AKAP12: variants seen among roughly 807,000 people sequenced by gnomAD.
The protein encoded by AKAP12 is A-kinase anchor protein 12.
In AKAP12, 32 loss-of-function variants were observed where a neutral mutation model predicts 79.9. That is an observed-to-expected ratio of 0.40 (90% CI 0.30 to 0.54). The LOEUF (loss-of-function observed/expected upper bound fraction) is 0.54. AKAP12 is among the 20% of genes least tolerant of loss of function. The pLI is 0.48. For synonymous variants in AKAP12, 808 were observed against 857.0 expected (o/e 0.94, Z 1.00); for missense variants, 2,074 against 2,177.0 (o/e 0.95, Z 0.94).
In AKAP12 at chr6:151,342,760, A is replaced by G. The variant is rs73780629; in HGVS notation, c.320-5951A>G. Among the ~76,000 whole-genome samples, 786 of 152,312 alleles carry G rather than the reference A, an allele frequency of 5.2e-3. 6 individuals are homozygous for G. Among genetic ancestry groups the G allele is most frequent in the African/African-American group, 0.018 (730 of 41,576 alleles). ...ATTGTTAAGCTGTACTGAACTATCA[A>G]TAGCTGTTCAGTAACAGCTACCTTA... On this transcript the variant is annotated intron_variant, in intron 3 of 4. Transcript: ENST00000402676.
chr6:151,240,425 G>A lies in AKAP12; in HGVS notation c.-138G>A. 1.1e-6 allele frequency: 1 copy of A among 903,726 alleles called. No individual in the cohort carries two copies. Among genetic ancestry groups the A allele is most frequent in the Non-Finnish European group, 1.5e-6 (1 of 676,342 alleles). The allele number at this position is 903,726 out of a possible 1,614,324, so 56.0% of individuals were successfully genotyped here. On this transcript the variant is annotated 5_prime_UTR_variant, in exon 2 of 5. Coordinates refer to ENST00000402676, the MANE Select transcript of AKAP12 (RefSeq NM_005100.4). ...CGTCTCCTTCATTCGCAGGCTGGGC[G>A]CGTTCGCAGTCGGCTGGCGGCGAAG...
chr6:151,261,043 A>G (rs1797420230), intron 2 of AKAP12, among the ~76,000 whole-genome samples: 1 of 151,942 alleles, frequency 6.6e-6, no homozygotes, highest in African/African-American at 2.4e-5. Flanking sequence ...GCACCTGTGC[A>G]TTCCCTTATC....
At position 151,352,823 on chromosome 6, in the gene AKAP12, G is replaced by T; in HGVS notation, c.4432G>T (p.Asp1478Tyr). The part of the protein sequence containing the change: ...PGEDAVPTGP[D>Y]CQAKSTPVIV... The stretch of plus-strand genomic sequence containing the variant: ...GGAAGATGCTGTGCCCACAGGGCCC[G>T]ACTGTCAGGCAAAATCGACACCAGT... The change falls in exon 4 of 5, where the codon GAC becomes TAC. Residue 1478 changes from aspartate (D) to tyrosine (Y), a missense_variant. Asp to Tyr is a radical substitution (Grantham distance 160, BLOSUM62 -3). Around this residue, in one of 3 missense-constraint regions of AKAP12, gnomAD observed 614 missense variants for 665.6 expected, o/e 0.92. Coordinates refer to ENST00000402676, the MANE Select transcript of AKAP12 (RefSeq NM_005100.4). The T allele has an allele frequency of 6.2e-7, 1 of 1,614,174 alleles. No homozygotes were observed. Among genetic ancestry groups the T allele is most frequent in the South Asian group, 1.1e-5 (1 of 91,066 alleles).
At chr6:151,316,819 C>T (rs1050416714) in intron 3 of AKAP12, among the ~76,000 whole-genome samples, 6 of 151,992 alleles carry the variant, frequency 3.9e-5, no homozygotes, top group East Asian at 1.9e-4. Context: ...TTAGTAGAGA[C>T]GGGGTTCTAC....
intron 3 of AKAP12, chr6:151,341,619 C>CGGGCGGCTGTT: frequency 1.1e-6 from 1 of 928,330 alleles, no homozygotes; most frequent in South Asian, 2.3e-5. Flanking sequence ...CTGGGCCTCA[C>CGGGCGGCTGTT]GGGCGGCTGT....
chr6:151,348,681 CCCCA>C, intron 3 of AKAP12, 26 bp from the exon 4 acceptor site: 5 of 218,348 alleles, frequency 2.3e-5, no homozygotes, highest in Non-Finnish European at 2.7e-5. Flanking sequence ...TTTCTCTTCT[CCCCA>C]CCCCCCCGCC....
intron 2 of AKAP12, among the ~76,000 whole-genome samples, chr6:151,304,864 G>A (rs993033419): frequency 1.3e-5 from 2 of 151,546 alleles, no homozygotes; most frequent in African/African-American, 2.4e-5. Flanking sequence ...GAGCCACCAC[G>A]CCCGGCCATG....
intron 2 of AKAP12, among the ~76,000 whole-genome samples, chr6:151,249,808 G>T (rs1015073919): frequency 9.2e-5 from 14 of 152,182 alleles, no homozygotes; most frequent in African/African-American, 3.4e-4. Context: ...TTGTGGGAGT[G>T]GCTAAACATC....
chr6:151,262,600 CACTT>C (rs1797459912), intron 2 of AKAP12, among the ~76,000 whole-genome samples: 1 of 112,110 alleles, frequency 8.9e-6, no homozygotes, highest in Non-Finnish European at 1.8e-5. Flanking sequence ...CAAGTTCAAA[CACTT>C]GAAGTTCAAA....
intron 2 of AKAP12, among the ~76,000 whole-genome samples, chr6:151,262,183 C>T (rs116560072): frequency 0.01 from 1,552 of 152,062 alleles, 25 homozygotes; most frequent in African/African-American, 0.036. Context: ...GTGATCCACC[C>T]GCCTCAGGTG....
At position 151,318,367 on chromosome 6, in the gene AKAP12, T is replaced by A. The variant is rs534153429; in HGVS notation, c.319+12464T>A. Among the ~76,000 whole-genome samples the A allele has an allele frequency of 1.7e-3, 254 of 152,340 alleles. 1 individual carries two copies. Among genetic ancestry groups the A allele is most frequent in the African/African-American group, 5.9e-3 (246 of 41,592 alleles). On this transcript the variant is annotated intron_variant, in intron 3 of 4. Coordinates refer to ENST00000402676, the MANE Select transcript of AKAP12 (RefSeq NM_005100.4). ...CTAGGACAATGAACAAAAAGTATGA[T>A]GTCTTCTCATGCTTGTCAAAATCCT... is the stretch of plus-strand genomic sequence containing the variant.
At chr6:151,328,041 G>C (rs1777571229) in intron 3 of AKAP12, among the ~76,000 whole-genome samples, 1 of 152,198 alleles carries the variant, frequency 6.6e-6, no homozygotes. Context: ...AAAATTGACA[G>C]TAACAACCGG....
intron 2 of AKAP12, among the ~76,000 whole-genome samples, chr6:151,301,987 T>A (rs7765406): frequency 0.038 from 5,814 of 151,984 alleles, 382 homozygotes; most frequent in African/African-American, 0.13. Flanking sequence ...TAATGTACTT[T>A]GCTATGTGTG....
At chr6:151,265,813 G>A (rs1797540802) in intron 2 of AKAP12, among the ~76,000 whole-genome samples, 1 of 152,216 alleles carries the variant, frequency 6.6e-6, no homozygotes. Flanking sequence ...CTGGGCTTCA[G>A]TGGATTACTC....
In AKAP12 at chr6:151,353,099, G is replaced by A. The variant is rs1432203514; in HGVS notation, c.4708G>A (p.Glu1570Lys). The change falls in exon 4 of 5, where the codon GAA becomes AAA. Residue 1570 changes from glutamate (E) to lysine (K), a missense_variant. Transcript: ENST00000402676. ...QFVRTEETATEMLTSELQTQA... is the reference protein window; with the variant it reads ...QFVRTEETATKMLTSELQTQA... ...TGTACGTACAGAAGAAACAGCCACC[G>A]AAATGTTGACGTCTGAGTTACAGAC... is the stretch of plus-strand genomic sequence containing the variant. 5 of 1,614,190 alleles carry A rather than the reference G, an allele frequency of 3.1e-6. No homozygotes were observed. Among genetic ancestry groups the A allele is most frequent in the South Asian group, 1.1e-5 (1 of 91,078 alleles).
intron 2 of AKAP12, among the ~76,000 whole-genome samples, chr6:151,298,208 T>G (rs1776780055): frequency 6.6e-6 from 1 of 152,164 alleles, no homozygotes; most frequent in East Asian, 1.9e-4. Context: ...GATCTTTATA[T>G]AAACCACCTT....
intron 3 of AKAP12, among the ~76,000 whole-genome samples, chr6:151,347,561 T>A (rs1186417611): frequency 6.6e-6 from 1 of 152,228 alleles, no homozygotes; most frequent in Non-Finnish European, 1.5e-5. Context: ...TAGTTAAGTT[T>A]GTCAACTTTC....
intron 2 of AKAP12, among the ~76,000 whole-genome samples, chr6:151,276,076 CAT>C (rs1259167901): frequency 6.6e-6 from 1 of 152,192 alleles, no homozygotes; most frequent in Non-Finnish European, 1.5e-5. Context: ...TTGGTTAACA[CAT>C]TGATCAGATT....
intron 3 of AKAP12, among the ~76,000 whole-genome samples, chr6:151,317,515 C>CT (rs1777264050): frequency 6.6e-6 from 1 of 152,204 alleles, no homozygotes; most frequent in Admixed American, 6.5e-5. Context: ...TTGATGGAAG[C>CT]TTGCCAAACA....
Sources: allele counts gnomAD v4.1 joint callset (sites outside exome capture counted in the v4.1 genomes callset), GRCh38; gene constraint gnomAD v4.1.1; regional missense constraint gnomAD v4.1.1; transcripts MANE v1.5; gene names NCBI Gene and HGNC (gene_info 2026-07-23, HGNC 2026-07-21).